MYH13: variants seen among roughly 807,000 people sequenced by gnomAD.
MYH13 encodes myosin heavy chain 13, also known as myosin-13.
In MYH13, 177 loss-of-function variants were observed where a neutral mutation model predicts 232.1. The observed-to-expected ratio is 0.76, with a 90% CI of 0.67 to 0.86. MYH13 has a LOEUF of 0.86. Among genes scored for constraint, MYH13 ranks in the 40% least tolerant of loss-of-function variants. The probability of loss-of-function intolerance (pLI) is 0.00; values close to 1 mark genes in which losing one functional copy is unlikely to be tolerated. For synonymous variants in MYH13, 884 were observed against 923.5 expected (o/e 0.96, Z 0.78); for missense variants, 2,246 against 2,405.9 (o/e 0.93, Z 1.39).
At chr17:10,360,572 G>A (rs2071783969) in intron 5 of MYH13, among the ~76,000 whole-genome samples, 1 of 152,118 alleles carries the variant, frequency 6.6e-6, no homozygotes, top group Non-Finnish European at 1.5e-5. Flanking sequence ...ATGCTGGTTG[G>A]TTTCATTGCA....
intron 2 of MYH13, among the ~76,000 whole-genome samples, chr17:10,368,498 G>C (rs2071854827): frequency 6.6e-6 from 1 of 152,172 alleles, no homozygotes; most frequent in Admixed American, 6.6e-5. Flanking sequence ...TCAAACTTTG[G>C]TGGACTTCCC....
intron 2 of MYH13, among the ~76,000 whole-genome samples, chr17:10,366,381 G>GTTTGTTTTTTTGTTTTTTTTTTTTT (rs2071837334): frequency 1.8e-5 from 2 of 112,640 alleles, no homozygotes; most frequent in African/African-American, 6.5e-5. Flanking sequence ...AAATAAATCT[G>GTTTGTTTTTTTGTTTTTTTTTTTTT]TTTTTTTTTT....
intron 39 of MYH13, among the ~76,000 whole-genome samples, 160 bp from the exon 40 acceptor site, chr17:10,301,863 C>T (rs1038354692): frequency 1.3e-5 from 2 of 152,208 alleles, no homozygotes; most frequent in East Asian, 3.8e-4. Flanking sequence ...GAGGACAAGG[C>T]TCCCAGCTCA....
At chr17:10,334,804 A>G (rs1046411986) in intron 18 of MYH13, among the ~76,000 whole-genome samples, 1 of 152,160 alleles carries the variant, frequency 6.6e-6, no homozygotes, top group Admixed American at 6.5e-5. Flanking sequence ...GCTTGAACCC[A>G]GGAGGCGGAG....
intron 17 of MYH13, 35 bp from the exon 18 acceptor site, chr17:10,340,272 C>A (rs4445936): frequency 0.81 from 1,312,817 of 1,613,108 alleles, 536,248 homozygotes; most frequent in East Asian, 0.87. Context: ...CATTTAGCAA[C>A]TGCCATTTCA....
At position 10,351,017 on chromosome 17, in the gene MYH13, T is replaced by C. The variant is rs548313014; in HGVS notation, c.1006-323A>G. Among the ~76,000 whole-genome samples, 35 of 151,900 alleles carry C rather than the reference T, an allele frequency of 2.3e-4. 1 individual carries two copies. In the East Asian group the frequency reaches 6.8e-3, roughly 30 times the overall value. On this transcript the variant is annotated intron_variant, in intron 11 of 40. Coordinates refer to ENST00000252172, the MANE Select transcript of MYH13 (RefSeq NM_003802.3). ...CAGGCAGATTACGAGGTCAGGAGTTTGAGACCATCCTGGCCAACATGGCGA... is the reference window on the plus strand; with the variant it reads ...CAGGCAGATTACGAGGTCAGGAGTTCGAGACCATCCTGGCCAACATGGCGA...
chr17:10,316,585 G>A (rs1332411877), intron 27 of MYH13, among the ~76,000 whole-genome samples: 1 of 152,192 alleles, frequency 6.6e-6, no homozygotes, highest in Non-Finnish European at 1.5e-5. Context: ...TCACTTTTAA[G>A]TGGATCTTTG....
intron 16 of MYH13, among the ~76,000 whole-genome samples, chr17:10,343,415 C>G (rs2071634893): frequency 6.6e-6 from 1 of 152,162 alleles, no homozygotes; most frequent in Admixed American, 6.5e-5. Context: ...CCAGGCTGGT[C>G]TCAAACTCCT....
At position 10,324,398 on chromosome 17, in the gene MYH13, G is replaced by A. The variant is rs578151619; in HGVS notation, c.2692-134C>T. ...GTCATGCACACACATGCACGCACAT[G>A]TGCACACACTGCACACACACGTGTA... On this transcript the variant is annotated intron_variant, in intron 22 of 40. Coordinates refer to ENST00000252172, the MANE Select transcript of MYH13 (RefSeq NM_003802.3). 22 of 1,010,184 alleles carry A rather than the reference G, an allele frequency of 2.2e-5. 1 individual carries two copies. In the Admixed American group the frequency reaches 4.0e-4, roughly 18 times the overall value. The allele number at this position is 1,010,184 out of a possible 1,614,324, so 62.6% of individuals were successfully genotyped here. A position where few individuals can be genotyped will look rare whatever the true frequency, so the allele number is the denominator to read the frequency against.
intron 16 of MYH13, chr17:10,341,036 T>TTTG (rs899241510): frequency 4.7e-4 from 71 of 151,914 alleles, no homozygotes; most frequent in Middle Eastern, 3.4e-3. Flanking sequence ...TTTCATTCTT[T>TTTG]TTGTTGTTGT....
chr17:10,355,847 T>C (rs1388518513), intron 8 of MYH13, among the ~76,000 whole-genome samples: 4 of 129,702 alleles, frequency 3.1e-5, no homozygotes, highest in African/African-American at 9.2e-5. Flanking sequence ...TTTTTTTTTT[T>C]TTTTTTTTTT....
chr17:10,308,879 G>A (rs886078820), intron 35 of MYH13, among the ~76,000 whole-genome samples: 2 of 151,996 alleles, frequency 1.3e-5, no homozygotes, highest in African/African-American at 4.8e-5. Flanking sequence ...GCGCTGAGCC[G>A]GGTCAAAAAT....
At position 10,330,310 on chromosome 17, in the gene MYH13, A is replaced by G; in HGVS notation, c.2435+77T>C. On this transcript the variant is annotated intron_variant, in intron 21 of 40. Coordinates refer to ENST00000252172, the MANE Select transcript of MYH13 (RefSeq NM_003802.3). ...AAGAGAGCAAGCACATGGAAATCCCAAGACTAAAAGCAGGAAGTGACAATC... is the reference window on the plus strand; with the variant it reads ...AAGAGAGCAAGCACATGGAAATCCCGAGACTAAAAGCAGGAAGTGACAATC... 12 of 1,569,452 alleles carry G rather than the reference A, an allele frequency of 7.6e-6. 1 individual carries two copies. The South Asian group carries it at 1.2e-4, about 15-fold the overall frequency.
chr17:10,324,031 T>A lies in MYH13; in HGVS notation c.2925A>T (p.Thr975=), dbSNP rs187871252. 3 of 1,614,018 alleles carry A rather than the reference T, an allele frequency of 1.9e-6. No individual in the cohort carries two copies. In the East Asian group the frequency reaches 6.7e-5, roughly 36 times the overall value. The change falls in exon 23 of 41, where the codon ACA becomes ACT. Residue 975 remains threonine, a synonymous_variant. Transcript: ENST00000252172. ...LTKVEKEKHA[T]ENKVKNLSEE... ...CCTTGGGTTTGCTCACCTTGTTCTC[T>A]GTGGCATGCTTCTCCTTTTCAACTT...
chr17:10,325,926 C>T (rs767933639), intron 22 of MYH13, among the ~76,000 whole-genome samples: 60 of 152,318 alleles, frequency 3.9e-4, no homozygotes, highest in Admixed American at 1.8e-3. Context: ...CCGCCCGCCT[C>T]GGCCTCCCAA....
At chr17:10,333,244 A>G in intron 18 of MYH13, 53 bp from the exon 19 acceptor site, 2 of 1,296,482 alleles carry the variant, frequency 1.5e-6, no homozygotes, top group Non-Finnish European at 1.1e-6. Flanking sequence ...TTTGTTGTTG[A>G]TGGTCTGAGG....
chr17:10,352,963 A>G (rs2071721588), intron 11 of MYH13, among the ~76,000 whole-genome samples: 1 of 152,084 alleles, frequency 6.6e-6, no homozygotes, highest in African/African-American at 2.4e-5. Flanking sequence ...GCTTCAGCCA[A>G]TCACAGCAGC....
In MYH13 at chr17:10,320,262, A is replaced by G; in HGVS notation, c.3258-19T>C. 6.3e-7 allele frequency: 1 copy of G among 1,597,748 alleles called. No homozygotes were observed. Among genetic ancestry groups the G allele is most frequent in the Non-Finnish European group, 8.5e-7 (1 of 1,171,682 alleles). On this transcript the variant is annotated intron_variant, in intron 25 of 40. Coordinates refer to ENST00000252172, the MANE Select transcript of MYH13 (RefSeq NM_003802.3). Reference sequence around the variant, plus strand: ...CTCCTTCCTGCAAATAGATTAAAAAAAAATAAAGAACATGAAATACAAGCC... The same window carrying G: ...CTCCTTCCTGCAAATAGATTAAAAAGAAATAAAGAACATGAAATACAAGCC...
chr17:10,351,508 C>A (rs1462295831), intron 11 of MYH13, among the ~76,000 whole-genome samples: 1 of 152,170 alleles, frequency 6.6e-6, no homozygotes, highest in Non-Finnish European at 1.5e-5. Context: ...AAGGGGCAAG[C>A]TTTTGCAGAG....
Sources: gnomAD v4.1 joint callset for allele counts (sites outside exome capture counted in the v4.1 genomes callset) on GRCh38, gnomAD v4.1.1 for gene constraint, MANE v1.5 for transcripts, NCBI Gene and HGNC (gene_info 2026-07-23, HGNC 2026-07-21) for gene names.